The following DROSHA variants were observed in gnomAD, a reference collection of about 807,000 sequenced individuals.
DROSHA encodes the protein drosha ribonuclease III.
Under a neutral mutation model 181.9 loss-of-function variants are expected in DROSHA, and 56 were observed. That is an observed-to-expected ratio of 0.31 (90% CI 0.25 to 0.38). DROSHA has a LOEUF of 0.38. Ranked by LOEUF, DROSHA falls within the 10% of genes least tolerant of loss-of-function variation. The pLI is 1.00. For missense variants in DROSHA, 1,218 were observed against 1,743.5 expected, an observed-to-expected ratio of 0.70 and a Z score of 5.37; for synonymous variants, 524 against 591.2, an observed-to-expected ratio of 0.89 and a Z score of 1.65.
At chr5:31,485,292 T>C (rs1406366806) in intron 14 of DROSHA, among the ~76,000 whole-genome samples, 1 of 152,134 alleles carries the variant, frequency 6.6e-6, no homozygotes, top group African/African-American at 2.4e-5. Context: ...TTTTGTTAAT[T>C]CAGATTATAC....
Position 31,514,866 on chromosome 5 carries a change from C to T in DROSHA, c.1290+122G>A, listed in dbSNP as rs1015635141. On this transcript the variant is annotated intron_variant, in intron 8 of 35. Coordinates refer to ENST00000344624, the MANE Select transcript of DROSHA (RefSeq NM_001382508.1). The surrounding 1 kb of genome is among the most constrained non-coding windows in gnomAD (Gnocchi z 4.4). ...TCTAACAGGTAGAGCCCAGAGATGC[C>T]GCTAAACATCCTACAATGCATAGGG... 5.7e-5 allele frequency: 50 copies of T among 880,254 alleles called. No homozygotes were observed. Among genetic ancestry groups the T allele is most frequent in the Non-Finnish European group, 6.9e-5 (40 of 580,110 alleles). The allele number at this position is 880,254 out of a possible 1,614,324, so 54.5% of individuals were successfully genotyped here.
chr5:31,478,594 C>T (rs1415054014), intron 16 of DROSHA, among the ~76,000 whole-genome samples: 1 of 152,110 alleles, frequency 6.6e-6, no homozygotes, highest in African/African-American at 2.4e-5. Flanking sequence ...ATTAGCCAGG[C>T]ATGGTGGCAG....
chr5:31,472,094 C>T lies in DROSHA; in HGVS notation c.2210G>A (p.Cys737Tyr). ...AGGGTTGGTAACAATCATGCCTTTGCATTCTTCTGCATATTTCTGCCACTC... is the reference window on the plus strand; with the variant it reads ...AGGGTTGGTAACAATCATGCCTTTGTATTCTTCTGCATATTTCTGCCACTC... The part of the protein sequence containing the change: ...ELEWQKYAEE[C>Y]KGMIVTNPGT... The change falls in exon 17 of 36, where the codon TGC becomes TAC. Residue 737 changes from cysteine to tyrosine, a missense_variant. Transcript: ENST00000344624. 3 of 1,613,858 alleles carry T rather than the reference C, an allele frequency of 1.9e-6. No individual in the cohort carries two copies. The highest frequency in any genetic ancestry group is 2.5e-6 in the Non-Finnish European group (3 of 1,179,840).
intron 16 of DROSHA, among the ~76,000 whole-genome samples, chr5:31,476,705 T>G (rs946422787): frequency 9.9e-5 from 15 of 152,180 alleles, no homozygotes; most frequent in Admixed American, 7.2e-4. Context: ...CTGTCTGGTT[T>G]TGGGGCTCGA....
rs778956622 is a variant in DROSHA, at chr5:31,431,534, G to C, written c.3145+42C>G. On this transcript the variant is annotated intron_variant, in intron 26 of 35. Coordinates refer to ENST00000344624, the MANE Select transcript of DROSHA (RefSeq NM_001382508.1). ...TTTTATGTGCTCTCCAGACTGTTTA[G>C]ACATGCAAGAAAGTAGACTTCTTGA... 5.7e-5 allele frequency: 91 copies of C among 1,590,268 alleles called. 3 individuals are homozygous for C. The South Asian group carries it at 9.1e-4, about 16-fold the overall frequency.
Position 31,405,734 on chromosome 5 carries a change from A to T in DROSHA, c.3948-11T>A, listed in dbSNP as rs1740559506. On this transcript the variant is annotated splice_polypyrimidine_tract_variant and intron_variant, in intron 34 of 35. Transcript: ENST00000344624. ...TCCGCTTGCTGAATACTATTAAATAAAATAAAGTAAGACATACTTTAATTT... is the reference window on the plus strand; with the variant it reads ...TCCGCTTGCTGAATACTATTAAATATAATAAAGTAAGACATACTTTAATTT... 6.6e-7 allele frequency: 1 copy of T among 1,512,866 alleles called. No homozygotes were observed. The highest frequency in any genetic ancestry group is 1.4e-5 in the African/African-American group (1 of 70,448). The allele number at this position is 1,512,866 out of a possible 1,614,324, so 93.7% of individuals were successfully genotyped here.
intron 10 of DROSHA, among the ~76,000 whole-genome samples, chr5:31,505,438 A>G (rs1737807290): frequency 6.6e-6 from 1 of 152,184 alleles, no homozygotes; most frequent in South Asian, 2.1e-4. Context: ...TGCATGAGAA[A>G]AGGAGAGAAG....
Position 31,435,761 on chromosome 5 carries a change from A to C in DROSHA, c.3042+4T>G, listed in dbSNP as rs1453690592. The C allele has an allele frequency of 6.2e-7, 1 of 1,613,354 alleles. No homozygotes were observed. ...ACTACAAATGCTGCAGATGTCTTCTATACCTTTGCTAGCATGGCAAGGTGC... is the reference window on the plus strand; with the variant it reads ...ACTACAAATGCTGCAGATGTCTTCTCTACCTTTGCTAGCATGGCAAGGTGC... On this transcript the variant is annotated splice_donor_region_variant and intron_variant, in intron 25 of 35. Transcript: ENST00000344624.
At chr5:31,473,706 A>C (rs1029683638) in intron 16 of DROSHA, among the ~76,000 whole-genome samples, 3 of 152,196 alleles carry the variant, frequency 2.0e-5, no homozygotes, top group African/African-American at 7.2e-5. Context: ...GGAATCTTCT[A>C]AGAGGTTTCA....
chr5:31,447,253 G>C (rs1409301590), intron 23 of DROSHA, among the ~76,000 whole-genome samples: 2 of 152,150 alleles, frequency 1.3e-5, no homozygotes, highest in African/African-American at 4.8e-5. Flanking sequence ...AACAAAAGGA[G>C]GGAGAGGATA....
chr5:31,500,961 G>A (rs1490974952), intron 11 of DROSHA, among the ~76,000 whole-genome samples: 1 of 152,192 alleles, frequency 6.6e-6, no homozygotes, highest in Non-Finnish European at 1.5e-5. Flanking sequence ...CTGAAGGCAG[G>A]TGATTCCAAT....
At chr5:31,437,438 C>T (rs1745007436) in intron 23 of DROSHA, 140 bp from the exon 24 acceptor site, 2 of 732,146 alleles carry the variant, frequency 2.7e-6, no homozygotes, top group South Asian at 1.9e-5. Context: ...TAATTAAGAG[C>T]ACAGACCACC....
chr5:31,420,737 C>G (rs993621393), intron 30 of DROSHA, among the ~76,000 whole-genome samples: 3 of 152,184 alleles, frequency 2.0e-5, no homozygotes, highest in Non-Finnish European at 4.4e-5. Context: ...TCTTTAAAGG[C>G]TCAAACATCA....
chr5:31,451,764 C>T (rs1747067210), intron 20 of DROSHA, 124 bp from the exon 21 acceptor site: 3 of 701,718 alleles, frequency 4.3e-6, no homozygotes, highest in East Asian at 2.9e-5. Flanking sequence ...CCTGAAACAG[C>T]TTATTGGCTG....
chr5:31,489,545 G>A (rs1304404434), intron 13 of DROSHA, among the ~76,000 whole-genome samples: 1 of 152,140 alleles, frequency 6.6e-6, no homozygotes, highest in Non-Finnish European at 1.5e-5. Context: ...CCAAGAAACT[G>A]TGTAACTTCA....
chr5:31,430,620 C>G (rs1744058943), intron 26 of DROSHA, among the ~76,000 whole-genome samples: 2 of 152,192 alleles, frequency 1.3e-5, no homozygotes, highest in African/African-American at 2.4e-5. Context: ...GAAATTGAAT[C>G]ATGTCTGGCT....
At chr5:31,447,580 A>G (rs780767200) in intron 23 of DROSHA, among the ~76,000 whole-genome samples, 2 of 152,232 alleles carry the variant, frequency 1.3e-5, no homozygotes, top group Non-Finnish European at 2.9e-5. Flanking sequence ...GACAATTCAC[A>G]GAATGAAAAA....
Position 31,435,879 on chromosome 5 carries a change from A to C in DROSHA, c.2943-15T>G, listed in dbSNP as rs76335140. 3 of 1,598,138 alleles carry C rather than the reference A, an allele frequency of 1.9e-6. No individual in the cohort carries two copies. Among genetic ancestry groups the C allele is most frequent in the Middle Eastern group, 1.7e-4 (1 of 6,030 alleles). On this transcript the variant is annotated splice_polypyrimidine_tract_variant and intron_variant, in intron 24 of 35. Transcript: ENST00000344624. ...ACAAATGGACGCTACAAAAAAAAAA[A>C]GAAGTACATGAATAAATATGCATCA... is the stretch of plus-strand genomic sequence containing the variant.
At chr5:31,466,087 C>T in intron 19 of DROSHA, 95 bp downstream of exon 19, 6 of 1,217,432 alleles carry the variant, frequency 4.9e-6, no homozygotes, top group African/African-American at 3.1e-5. Context: ...AATATTTTTC[C>T]ATCTTGTACC....
Sources: allele counts gnomAD v4.1 joint callset (sites outside exome capture counted in the v4.1 genomes callset), GRCh38; gene constraint gnomAD v4.1.1; non-coding constraint Gnocchi (gnomAD v3.1); transcripts MANE v1.5; gene names NCBI Gene and HGNC (gene_info 2026-07-23, HGNC 2026-07-21).